Variants in DNAJC24 observed in about 807,000 individuals in gnomAD.
The protein encoded by DNAJC24 is DnaJ heat shock protein family (Hsp40) member C24, also known as dnaJ homolog subfamily C member 24.
A neutral mutation model predicts 18.0 loss-of-function variants in DNAJC24; 17 were observed. The ratio of observed to expected loss-of-function variants is 0.94; its 90% CI spans 0.65 to 1.42. DNAJC24 has a LOEUF of 1.42. DNAJC24 is among the 40% of genes most tolerant of loss of function. DNAJC24 has a pLI of 0.00. For synonymous variants in DNAJC24, 55 were observed against 57.7 expected, an observed-to-expected ratio of 0.95 and a Z score of 0.21; for missense variants, 158 against 175.6, an observed-to-expected ratio of 0.90 and a Z score of 0.57.
At chr11:31,422,333 G>C (rs1952814283) in intron 3 of DNAJC24, among the ~76,000 whole-genome samples, 1 of 152,140 alleles carries the variant, frequency 6.6e-6, no homozygotes, top group South Asian at 2.1e-4. Context: ...TACTTCAAAA[G>C]AATCAGGAAT....
intron 2 of DNAJC24, among the ~76,000 whole-genome samples, chr11:31,379,092 G>GT (rs1000934818): frequency 4.6e-5 from 7 of 151,968 alleles, no homozygotes; most frequent in Non-Finnish European, 8.8e-5. Context: ...TTTTGTTTTT[G>GT]TTTTTTTCTC....
intron 2 of DNAJC24, among the ~76,000 whole-genome samples, chr11:31,374,603 C>G (rs1165204503): frequency 1.5e-5 from 2 of 134,466 alleles, no homozygotes; most frequent in Non-Finnish European, 3.4e-5. Flanking sequence ...CATAGTTATG[C>G]TAGCCCCATA....
Position 31,430,537 on chromosome 11 carries a change from G to A in DNAJC24, c.*136G>A. Reference sequence around the variant, plus strand: ...AGAAAATATACAATTATCAAGCAGAGACCACCTCAGATTAATAGAGAATGA... The same window carrying A: ...AGAAAATATACAATTATCAAGCAGAAACCACCTCAGATTAATAGAGAATGA... On this transcript the variant is annotated 3_prime_UTR_variant, in exon 5 of 5. Coordinates refer to ENST00000465995, the MANE Select transcript of DNAJC24 (RefSeq NM_181706.5). The A allele has an allele frequency of 1.9e-6, 1 of 521,388 alleles. No homozygotes were observed. Among genetic ancestry groups the A allele is most frequent in the Non-Finnish European group, 3.1e-6 (1 of 324,932 alleles). 32.3% of individuals were successfully genotyped at this position (521,388 alleles called of 1,614,324 possible). A position where few individuals can be genotyped will look rare whatever the true frequency, so the allele number is the denominator to read the frequency against.
At position 31,430,472 on chromosome 11, in the gene DNAJC24, T is replaced by C; in HGVS notation, c.*71T>C. The C allele has an allele frequency of 7.3e-7, 1 of 1,365,134 alleles. No individual in the cohort carries two copies. Among genetic ancestry groups the C allele is most frequent in the African/African-American group, 1.5e-5 (1 of 68,688 alleles). The allele number at this position is 1,365,134 out of a possible 1,614,324, so 84.6% of individuals were successfully genotyped here. ...ATGAGAAGCCGTTGAGCTTTGTCCA[T>C]TCAAGGAAATGGATTATTTGTCAGC... On this transcript the variant is annotated 3_prime_UTR_variant, in exon 5 of 5. Coordinates refer to ENST00000465995, the MANE Select transcript of DNAJC24 (RefSeq NM_181706.5).
chr11:31,415,064 T>C, intron 3 of DNAJC24, 115 bp downstream of exon 3: 1 of 1,117,310 alleles, frequency 9.0e-7, no homozygotes, highest in South Asian at 1.7e-5. Context: ...GTTGCCTTTA[T>C]TCCTCCCCTC....
intron 2 of DNAJC24, among the ~76,000 whole-genome samples, chr11:31,400,843 A>G (rs1174641202): frequency 2.0e-5 from 3 of 152,254 alleles, no homozygotes; most frequent in African/African-American, 7.2e-5. Flanking sequence ...CTAAAACACC[A>G]AAAGCAAGTG....
chr11:31,391,600 A>T (rs1404226175), intron 2 of DNAJC24, among the ~76,000 whole-genome samples: 1 of 152,216 alleles, frequency 6.6e-6, no homozygotes, highest in African/African-American at 2.4e-5. Context: ...TAAAAAGACA[A>T]TAACAAATGC....
intron 3 of DNAJC24, among the ~76,000 whole-genome samples, chr11:31,417,823 C>A (rs1952764472): frequency 6.6e-6 from 1 of 151,970 alleles, no homozygotes; most frequent in Admixed American, 6.6e-5. Flanking sequence ...ATCAATATTG[C>A]CCACAGCCAT....
chr11:31,382,070 A>G (rs1415299927), intron 2 of DNAJC24, among the ~76,000 whole-genome samples: 1 of 152,156 alleles, frequency 6.6e-6, no homozygotes, highest in Non-Finnish European at 1.5e-5. Flanking sequence ...GTTAGTATAT[A>G]CTGTTTTTCT....
At chr11:31,386,151 A>G (rs763099171) in intron 2 of DNAJC24, among the ~76,000 whole-genome samples, 9 of 152,100 alleles carry the variant, frequency 5.9e-5, no homozygotes, top group South Asian at 2.1e-4. Flanking sequence ...TGGGGTCATA[A>G]GTAAACTTGA....
chr11:31,383,864 G>C (rs146648129), intron 2 of DNAJC24, among the ~76,000 whole-genome samples: 1 of 152,148 alleles, frequency 6.6e-6, no homozygotes, highest in Non-Finnish European at 1.5e-5. Context: ...TTTGTTTTCT[G>C]TTCTAATAAT....
chr11:31,404,044 C>T (rs1018034438), intron 2 of DNAJC24, among the ~76,000 whole-genome samples: 1 of 152,150 alleles, frequency 6.6e-6, no homozygotes, highest in African/African-American at 2.4e-5. Flanking sequence ...CTGATGTTGT[C>T]ATGGCATTTG....
In DNAJC24 at chr11:31,389,051, C is replaced by T. The variant is rs557031334; in HGVS notation, c.111+18192C>T. Among the ~76,000 whole-genome samples, 167 of 151,738 alleles carry T rather than the reference C, an allele frequency of 1.1e-3. 2 individuals carry two copies. In the South Asian group the frequency reaches 0.011, roughly 10 times the overall value. ...AAAAGCAAAAATTAAAACATACCAC[C>T]GGAGAAAATCACCTTCACTGTAAGG... On this transcript the variant is annotated intron_variant, in intron 2 of 4. Coordinates refer to ENST00000465995, the MANE Select transcript of DNAJC24 (RefSeq NM_181706.5).
rs1189301078 is a variant in DNAJC24, at chr11:31,432,271, A to G, written c.*1870A>G. 2.2e-6 allele frequency: 1 copy of G among 464,176 alleles called. No individual in the cohort carries two copies. The highest frequency in any genetic ancestry group is 3.9e-6 in the Non-Finnish European group (1 of 257,794). 28.8% of individuals were successfully genotyped at this position (464,176 alleles called of 1,614,324 possible). On this transcript the variant is annotated 3_prime_UTR_variant, in exon 5 of 5. Transcript: ENST00000465995. Reference sequence around the variant, plus strand: ...AGTCATCCAGGTTCCCCCTCCCACAATATTTTTGTATCATAAAATTTAGAT... The same window carrying G: ...AGTCATCCAGGTTCCCCCTCCCACAGTATTTTTGTATCATAAAATTTAGAT...
At chr11:31,419,262 CG>C (rs34364513) in intron 3 of DNAJC24, among the ~76,000 whole-genome samples, 12 of 151,774 alleles carry the variant, frequency 7.9e-5, no homozygotes, top group South Asian at 2.1e-4. Flanking sequence ...AGATAAGCAT[CG>C]GGGGGTATGT....
rs113142864 is a variant in DNAJC24 at position 31,382,914 on chromosome 11, TG to T, written c.111+12058del. ...GCCTCTGACTGACTGGCTGTAAATC[TG>T]GGTTCCCATGTTTCCTTCTTTGTTC... On this transcript the variant is annotated intron_variant, in intron 2 of 4. Transcript: ENST00000465995. 7.8e-3 allele frequency among the ~76,000 whole-genome samples: 1,184 copies of T among 152,336 alleles called. 19 individuals are homozygous for T. Among genetic ancestry groups the T allele is most frequent in the African/African-American group, 0.027 (1,133 of 41,568 alleles).
chr11:31,378,523 A>G (rs1341234608), intron 2 of DNAJC24, among the ~76,000 whole-genome samples: 4 of 152,152 alleles, frequency 2.6e-5, no homozygotes, highest in Admixed American at 2.6e-4. Flanking sequence ...ATTATTTCTA[A>G]TATATAGATG....
At chr11:31,417,972 G>GT (rs1430987728) in intron 3 of DNAJC24, among the ~76,000 whole-genome samples, 1 of 151,970 alleles carries the variant, frequency 6.6e-6, no homozygotes, top group African/African-American at 2.4e-5. Flanking sequence ...TTGCATGTAT[G>GT]TTTTTTTCTC....
At chr11:31,378,386 T>G (rs1952339745) in intron 2 of DNAJC24, among the ~76,000 whole-genome samples, 1 of 152,204 alleles carries the variant, frequency 6.6e-6, no homozygotes, top group Admixed American at 6.5e-5. Context: ...ACAATTCTTT[T>G]TCGTGATAAA....
Sources: allele counts gnomAD v4.1 joint callset (sites outside exome capture counted in the v4.1 genomes callset), GRCh38; gene constraint gnomAD v4.1.1; transcripts MANE v1.5; gene names NCBI Gene and HGNC (gene_info 2026-07-23, HGNC 2026-07-21).